Variants in LTBP2 observed in about 807,000 individuals in gnomAD.
LTBP2 encodes the protein latent transforming growth factor beta binding protein 2, also known as latent-transforming growth factor beta-binding protein 2.
Under a neutral mutation model 210.6 loss-of-function variants are expected in LTBP2, and 103 were observed. The observed-to-expected ratio is 0.49, with a 90% CI of 0.42 to 0.58. LTBP2 has a LOEUF of 0.58. Among genes scored for constraint, LTBP2 ranks in the 20% least tolerant of loss-of-function variants. The probability of loss-of-function intolerance (pLI) is 0.00; values close to 1 mark genes in which losing one functional copy is unlikely to be tolerated. For missense variants in LTBP2, 2,313 were observed against 2,494.5 expected, an observed-to-expected ratio of 0.93 and a Z score of 1.55; for synonymous variants, 1,007 against 1,015.0, an observed-to-expected ratio of 0.99 and a Z score of 0.15.
chr14:74,572,314 T>G (rs1245471895), intron 3 of LTBP2, among the ~76,000 whole-genome samples: 1 of 74,718 alleles, frequency 1.3e-5, no homozygotes, highest in African/African-American at 3.1e-5. Context: ...TGTCTGTGTG[T>G]GTGTGTGTGA....
chr14:74,507,683 A>G (rs2087008306), intron 25 of LTBP2, among the ~76,000 whole-genome samples: 1 of 152,228 alleles, frequency 6.6e-6, no homozygotes, highest in Admixed American at 6.5e-5. Flanking sequence ...AAGATCATCC[A>G]TAACTGTCTA....
intron 16 of LTBP2, 36 bp from the exon 17 acceptor site, chr14:74,522,075 GC>G: frequency 6.3e-7 from 1 of 1,594,904 alleles, no homozygotes; most frequent in Non-Finnish European, 8.5e-7. Flanking sequence ...GGTCAGGGGG[GC>G]CAGCGGTGCC....
chr14:74,559,455 G>A (rs2087766647), intron 3 of LTBP2, among the ~76,000 whole-genome samples: 1 of 152,142 alleles, frequency 6.6e-6, no homozygotes, highest in East Asian at 1.9e-4. Context: ...TATTCCTAAA[G>A]CATCCATATA....
At position 74,503,235 on chromosome 14, in the gene LTBP2, A is replaced by G. The variant is rs778750014; in HGVS notation, c.4872T>C (p.Cys1624=). ...GEAWSQQCAL[C]PPRSSEVYAQ... Reference sequence around the variant, plus strand: ...CCCCCTCACCAGAGCTCCTCGGGGGACACAGAGCACACTGCTGGCTCCAGG... The same window carrying G: ...CCCCCTCACCAGAGCTCCTCGGGGGGCACAGAGCACACTGCTGGCTCCAGG... The change falls in exon 33 of 36, where the codon TGT becomes TGC. Residue 1624 remains cysteine, a synonymous_variant. Coordinates refer to ENST00000261978, the MANE Select transcript of LTBP2 (RefSeq NM_000428.3). 6.2e-7 allele frequency: 1 copy of G among 1,613,854 alleles called. No individual in the cohort carries two copies. Among genetic ancestry groups the G allele is most frequent in the Non-Finnish European group, 8.5e-7 (1 of 1,179,988 alleles).
Position 74,529,109 on chromosome 14 carries a change from G to A in LTBP2, c.2001C>T (p.Ile667=). 6.4e-7 allele frequency: 1 copy of A among 1,552,038 alleles called. No homozygotes were observed. The highest frequency in any genetic ancestry group is 1.4e-5 in the African/African-American group (1 of 73,268). Residue 667 remains isoleucine (I), a synonymous_variant, in exon 11 of 36, where the codon ATC becomes ATT. Transcript: ENST00000261978. The part of the protein sequence containing the change: ...SRSRCVSDKA[I]SMLQGLCYRS... ...GGTAGCACAGTCCCTGCAGCATGGAGATTGCCTTGTCCGCTGCAACAGACA... is the reference window on the plus strand; with the variant it reads ...GGTAGCACAGTCCCTGCAGCATGGAAATTGCCTTGTCCGCTGCAACAGACA...
chr14:74,503,412 A>G (rs1189781196), intron 32 of LTBP2, 26 bp from the exon 33 acceptor site: 11 of 1,610,602 alleles, frequency 6.8e-6, no homozygotes, highest in Non-Finnish European at 9.3e-6. Context: ...ACGGAGGCAC[A>G]TGAGCCCCCC....
intron 3 of LTBP2, among the ~76,000 whole-genome samples, chr14:74,579,442 A>C (rs559210028): frequency 6.6e-6 from 1 of 152,350 alleles, no homozygotes; most frequent in African/African-American, 2.4e-5. Flanking sequence ...GCTCACTCTC[A>C]GTGCAGTAGG....
intron 3 of LTBP2, among the ~76,000 whole-genome samples, chr14:74,557,150 T>C (rs894254959): frequency 2.6e-5 from 4 of 152,068 alleles, no homozygotes; most frequent in Non-Finnish European, 4.4e-5. Flanking sequence ...TGGTCCCAGG[T>C]ACTTGAGAGG....
At chr14:74,605,347 G>A (rs2088510351) in intron 1 of LTBP2, among the ~76,000 whole-genome samples, 1 of 152,210 alleles carries the variant, frequency 6.6e-6, no homozygotes, top group African/African-American at 2.4e-5. Context: ...CTCCCAGGGA[G>A]CTCCCAGAAT....
Position 74,509,016 on chromosome 14 carries a change from G to C in LTBP2, c.3404-64C>G, listed in dbSNP as rs1352265286. ...GCACCTCCCAAGGACAGGAGTCAAG[G>C]GGGAAGTCTCCAGAGGACCTGTCAC... On this transcript the variant is annotated intron_variant, in intron 22 of 35. Coordinates refer to ENST00000261978, the MANE Select transcript of LTBP2 (RefSeq NM_000428.3). The C allele has an allele frequency of 1.9e-6, 3 of 1,605,296 alleles. No individual in the cohort carries two copies. In the Admixed American group the frequency reaches 5.0e-5, roughly 27 times the overall value.
chr14:74,586,261 C>A lies in LTBP2; in HGVS notation c.566-143G>T. The stretch of plus-strand genomic sequence containing the variant: ...AAGCCACTCTCCTGGCCTCAGGGGG[C>A]TCCCTGACCCATGTCTCTCCCACCT... On this transcript the variant is annotated intron_variant, in intron 2 of 35. Transcript: ENST00000261978. This position sits in a 1 kb window ranked among gnomAD's most constrained non-coding sequence, Gnocchi z 4.6. 1 of 875,098 alleles carries A rather than the reference C, an allele frequency of 1.1e-6. No homozygotes were observed. Among genetic ancestry groups the A allele is most frequent in the Admixed American group, 2.5e-5 (1 of 39,658 alleles). 54.2% of individuals were successfully genotyped at this position (875,098 alleles called of 1,614,324 possible).
intron 18 of LTBP2, among the ~76,000 whole-genome samples, chr14:74,515,252 A>ATTTT (rs575476350): frequency 2.4e-5 from 3 of 125,470 alleles, no homozygotes; most frequent in African/African-American, 9.3e-5. Flanking sequence ...TATAAATCTG[A>ATTTT]TTTTTTTTTT....
At position 74,603,719 on chromosome 14, in the gene LTBP2, A is replaced by G. The variant is rs747914255; in HGVS notation, c.495-14T>C. The G allele has an allele frequency of 4.3e-6, 7 of 1,612,478 alleles. No individual in the cohort carries two copies. The highest frequency in any genetic ancestry group is 5.1e-6 in the Non-Finnish European group (6 of 1,178,588). On this transcript the variant is annotated splice_polypyrimidine_tract_variant and intron_variant, in intron 1 of 35. Transcript: ENST00000261978. ...CAGACGTTCCTCCTGTGGGGTCACC[A>G]AAACAGAGTCAACACAAGGATGCTC... is the stretch of plus-strand genomic sequence containing the variant.
intron 13 of LTBP2, among the ~76,000 whole-genome samples, chr14:74,526,581 C>T (rs2087276463): frequency 6.6e-6 from 1 of 152,186 alleles, no homozygotes; most frequent in Non-Finnish European, 1.5e-5. Context: ...GATGTAACAG[C>T]AGAAGAGTGG....
Position 74,501,607 on chromosome 14 carries a change from G to C in LTBP2, c.5171-17C>G. ...CTGGGGGCTCTGGGAGGAGGAAATC[G>C]GAGAGAGGAGGAGGCTGAGGGCTGT... On this transcript the variant is annotated splice_polypyrimidine_tract_variant and intron_variant, in intron 34 of 35. Transcript: ENST00000261978. 3 of 1,613,700 alleles carry C rather than the reference G, an allele frequency of 1.9e-6. No individual in the cohort carries two copies. Among genetic ancestry groups the C allele is most frequent in the Non-Finnish European group, 2.5e-6 (3 of 1,180,006 alleles).
chr14:74,559,291 A>G (rs1243863915), intron 3 of LTBP2, among the ~76,000 whole-genome samples: 1 of 152,202 alleles, frequency 6.6e-6, no homozygotes, highest in African/African-American at 2.4e-5. Flanking sequence ...ACACATTTTT[A>G]ACAACCGGAG....
chr14:74,566,302 A>G (rs904115541), intron 3 of LTBP2, among the ~76,000 whole-genome samples: 9 of 152,212 alleles, frequency 5.9e-5, no homozygotes, highest in African/African-American at 2.2e-4. Context: ...ACAGAGGGAG[A>G]GGCTCTGAAG....
At chr14:74,563,249 C>T (rs2087818686) in intron 3 of LTBP2, among the ~76,000 whole-genome samples, 2 of 152,172 alleles carry the variant, frequency 1.3e-5, no homozygotes, top group African/African-American at 4.8e-5. Flanking sequence ...TTCTTCTTTC[C>T]TTTCGCATTT....
chr14:74,533,550 C>G (rs2087378538), intron 9 of LTBP2, among the ~76,000 whole-genome samples: 1 of 152,164 alleles, frequency 6.6e-6, no homozygotes, highest in African/African-American at 2.4e-5. Flanking sequence ...GAAAAGGAGG[C>G]AGAGGCTGGA....
Sources: gnomAD v4.1 joint callset for allele counts (sites outside exome capture counted in the v4.1 genomes callset) on GRCh38, gnomAD v4.1.1 for gene constraint, Gnocchi (gnomAD v3.1) non-coding constraint, MANE v1.5 for transcripts, NCBI Gene and HGNC (gene_info 2026-07-23, HGNC 2026-07-21) for gene names.